EPHA3: variants seen among roughly 807,000 people sequenced by gnomAD.
EPHA3 encodes the protein EPH receptor A3.
A neutral mutation model predicts 107.1 loss-of-function variants in EPHA3; 42 were observed. That is an observed-to-expected ratio of 0.39 (90% CI 0.31 to 0.51). The LOEUF is 0.51. Ranked by LOEUF, EPHA3 falls within the 20% of genes least tolerant of loss-of-function variation. The pLI, the probability that EPHA3 is intolerant of heterozygous loss-of-function variation, is 0.78. For synonymous variants in EPHA3, 461 were observed against 424.8 expected (o/e 1.09, Z -1.05); for missense variants, 1,183 against 1,211.2 (o/e 0.98, Z 0.35).
At chr3:89,184,620 G>T (rs1705519029) in intron 2 of EPHA3, among the ~76,000 whole-genome samples, 1 of 151,980 alleles carries the variant, frequency 6.6e-6, no homozygotes, top group South Asian at 2.1e-4. Context: ...ACACTGAAAA[G>T]CTCTTTAAAA....
At chr3:89,195,685 T>C (rs1262929691) in intron 2 of EPHA3, among the ~76,000 whole-genome samples, 1 of 152,190 alleles carries the variant, frequency 6.6e-6, no homozygotes, top group Non-Finnish European at 1.5e-5. Context: ...TATGTGGAAC[T>C]GTCCTGGGTG....
intron 10 of EPHA3, among the ~76,000 whole-genome samples, chr3:89,416,154 A>G (rs2107524518): frequency 6.6e-6 from 1 of 151,576 alleles, no homozygotes; most frequent in African/African-American, 2.4e-5. Flanking sequence ...TGTTTAAATG[A>G]AATTAGCATA....
intron 3 of EPHA3, among the ~76,000 whole-genome samples, chr3:89,286,956 T>C (rs980734855): frequency 6.6e-6 from 1 of 152,192 alleles, no homozygotes; most frequent in Non-Finnish European, 1.5e-5. Flanking sequence ...CCTTATTTTT[T>C]AGACTCACTT....
At position 89,479,728 on chromosome 3, in the gene EPHA3, T is replaced by C. The variant is rs1292615552; in HGVS notation, c.*226T>C. On this transcript the variant is annotated 3_prime_UTR_variant, in exon 17 of 17. Coordinates refer to ENST00000336596, the MANE Select transcript of EPHA3 (RefSeq NM_005233.6). Reference sequence around the variant, plus strand: ...ATTTTTTTGTAATTGCTTTTTTAAATATTAGTTAATGGATTAAATTTAATT... The same window carrying C: ...ATTTTTTTGTAATTGCTTTTTTAAACATTAGTTAATGGATTAAATTTAATT... 1.3e-5 allele frequency: 6 copies of C among 465,700 alleles called. No individual in the cohort carries two copies. Among genetic ancestry groups the C allele is most frequent in the Non-Finnish European group, 2.3e-5 (6 of 260,868 alleles). 28.8% of individuals were successfully genotyped at this position (465,700 alleles called of 1,614,324 possible). A position where few individuals can be genotyped will look rare whatever the true frequency, so the allele number is the denominator to read the frequency against.
intron 3 of EPHA3, among the ~76,000 whole-genome samples, chr3:89,282,994 A>G (rs1705985993): frequency 6.6e-6 from 1 of 152,090 alleles, no homozygotes; most frequent in Non-Finnish European, 1.5e-5. Flanking sequence ...ATATCACTTT[A>G]AAAGTTGACA....
intron 3 of EPHA3, among the ~76,000 whole-genome samples, chr3:89,268,911 A>C (rs1371732187): frequency 1.3e-5 from 2 of 151,922 alleles, no homozygotes; most frequent in South Asian, 2.1e-4. Flanking sequence ...AAGAAAAAAA[A>C]AACAACCTCA....
At chr3:89,469,056 T>C (rs957938434) in intron 15 of EPHA3, among the ~76,000 whole-genome samples, 2 of 152,166 alleles carry the variant, frequency 1.3e-5, no homozygotes, top group Non-Finnish European at 2.9e-5. Context: ...TTAATATTTA[T>C]ATAATATGGC....
intron 2 of EPHA3, among the ~76,000 whole-genome samples, chr3:89,180,572 A>G (rs1212069711): frequency 6.6e-6 from 1 of 152,042 alleles, no homozygotes; most frequent in Non-Finnish European, 1.5e-5. Context: ...GCATTTCCTT[A>G]TATATGCAAA....
chr3:89,468,065 G>T (rs1407316365), intron 15 of EPHA3, among the ~76,000 whole-genome samples: 3 of 152,112 alleles, frequency 2.0e-5, no homozygotes, highest in East Asian at 1.9e-4. Flanking sequence ...CCCTTGGTGC[G>T]CATGAAGAGA....
At chr3:89,358,263 G>T (rs1333584025) in intron 5 of EPHA3, among the ~76,000 whole-genome samples, 1 of 150,968 alleles carries the variant, frequency 6.6e-6, no homozygotes, top group African/African-American at 2.4e-5. Context: ...ATAATACCTT[G>T]TGTGGTGCTG....
intron 2 of EPHA3, among the ~76,000 whole-genome samples, chr3:89,133,043 A>T (rs935820955): frequency 6.6e-6 from 1 of 152,210 alleles, no homozygotes; most frequent in Non-Finnish European, 1.5e-5. Context: ...CATATAATAC[A>T]TGTGAAAGAG....
intron 3 of EPHA3, among the ~76,000 whole-genome samples, chr3:89,246,543 A>G (rs1309418248): frequency 1.3e-5 from 2 of 152,104 alleles, no homozygotes; most frequent in South Asian, 2.1e-4. Context: ...TGACCCTCCC[A>G]CTAGGTTGTG....
intron 1 of EPHA3, among the ~76,000 whole-genome samples, chr3:89,125,289 C>T (rs915665678): frequency 1.3e-5 from 2 of 151,670 alleles, no homozygotes; most frequent in Non-Finnish European, 3.0e-5. Flanking sequence ...ATGCAAATCC[C>T]ATATAAAGCT....
chr3:89,431,588 C>G (rs1284406186), intron 13 of EPHA3, among the ~76,000 whole-genome samples: 2 of 151,764 alleles, frequency 1.3e-5, no homozygotes, highest in Non-Finnish European at 2.9e-5. Context: ...TTTAATGTTC[C>G]CCACCAAAAG....
chr3:89,403,476 C>T (rs1213562038), intron 7 of EPHA3, among the ~76,000 whole-genome samples: 2 of 151,592 alleles, frequency 1.3e-5, no homozygotes, highest in East Asian at 1.9e-4. Flanking sequence ...AGTCTTGAAC[C>T]GTGCAATTAT....
At chr3:89,132,965 T>A (rs1704236995) in intron 2 of EPHA3, among the ~76,000 whole-genome samples, 1 of 152,224 alleles carries the variant, frequency 6.6e-6, no homozygotes, top group Admixed American at 6.5e-5. Context: ...AATTCCTATG[T>A]CATATCACTT....
At chr3:89,163,653 A>G (rs940173354) in intron 2 of EPHA3, among the ~76,000 whole-genome samples, 2 of 152,116 alleles carry the variant, frequency 1.3e-5, no homozygotes, top group Non-Finnish European at 2.9e-5. Flanking sequence ...TATCTTAACT[A>G]CACACCTGGG....
At chr3:89,460,281 T>C (rs1021452778) in intron 15 of EPHA3, among the ~76,000 whole-genome samples, 1 of 152,106 alleles carries the variant, frequency 6.6e-6, no homozygotes. Context: ...AAAATTCAAA[T>C]TCTTGACACA....
At chr3:89,139,096 A>T (rs1014334331) in intron 2 of EPHA3, among the ~76,000 whole-genome samples, 3 of 152,028 alleles carry the variant, frequency 2.0e-5, no homozygotes, top group African/African-American at 4.8e-5. Flanking sequence ...CTAATTTTTT[A>T]AAAAATGTAA....
Sources: gnomAD v4.1 joint callset for allele counts (sites outside exome capture counted in the v4.1 genomes callset) on GRCh38, gnomAD v4.1.1 for gene constraint, MANE v1.5 for transcripts, NCBI Gene and HGNC (gene_info 2026-07-23, HGNC 2026-07-21) for gene names.